ANK2: variants seen among roughly 807,000 people sequenced by gnomAD.
The protein encoded by ANK2 is ankyrin 2.
Under a neutral mutation model 360.5 loss-of-function variants are expected in ANK2, and 83 were observed. The observed-to-expected ratio is 0.23, with a 90% CI of 0.19 to 0.28. The LOEUF (loss-of-function observed/expected upper bound fraction) is 0.28, where lower values mean the gene tolerates loss of function less well. Among genes scored for constraint, ANK2 ranks in the 10% least tolerant of loss-of-function variants. The pLI is 1.00. For missense variants in ANK2, 4,201 were observed against 4,795.7 expected (o/e 0.88, Z 3.66); for synonymous variants, 1,740 against 1,759.5 (o/e 0.99, Z 0.28).
At chr4:112,760,515 C>T in the ANK2 span, among the ~76,000 whole-genome samples, 1 of 151,194 alleles carries the variant, frequency 6.6e-6, no homozygotes, top group African/African-American at 2.4e-5. Flanking sequence ...TTTTTTTCTT[C>T]ATTGTATTCT....
the ANK2 span, among the ~76,000 whole-genome samples, chr4:112,729,747 CAA>C: frequency 3.3e-4 from 23 of 70,288 alleles, no homozygotes; most frequent in Admixed American, 3.3e-4. Flanking sequence ...GACTCTGTCT[CAA>C]AAAAAAAAAA....
At chr4:113,128,372 T>C (rs35441384) in intron 1 of ANK2, among the ~76,000 whole-genome samples, 44,451 of 152,188 alleles carry the variant, frequency 0.29, 7,204 homozygotes, top group Non-Finnish European at 0.38. Flanking sequence ...CTTATGTGCA[T>C]AGTAATATTA....
At chr4:113,073,661 G>A (rs1006893544) in intron 1 of ANK2, among the ~76,000 whole-genome samples, 6 of 152,146 alleles carry the variant, frequency 3.9e-5, no homozygotes, top group African/African-American at 1.4e-4. Flanking sequence ...ATTGCCAGGA[G>A]ATTCTCCCTT....
chr4:112,883,258 C>T (rs1039366067), intron 1 of ANK2, among the ~76,000 whole-genome samples: 25 of 151,574 alleles, frequency 1.6e-4, no homozygotes, highest in Non-Finnish European at 3.1e-4. Context: ...AGGCTGGTCT[C>T]GAACGCCTGA....
At chr4:113,336,432 A>G in intron 30 of ANK2, 145 bp from the exon 31 acceptor site, 1 of 812,332 alleles carries the variant, frequency 1.2e-6, no homozygotes, top group Non-Finnish European at 1.9e-6. Flanking sequence ...TACTGAACTT[A>G]TGATTGCCAT....
intron 2 of ANK2, among the ~76,000 whole-genome samples, chr4:112,916,025 T>C (rs1386154527): frequency 3.9e-5 from 6 of 152,188 alleles, no homozygotes; most frequent in Admixed American, 2.6e-4. Context: ...TCAGATATTA[T>C]TGATATTTAG....
chr4:112,871,446 C>T (rs1453670402), intron 1 of ANK2, among the ~76,000 whole-genome samples: 1 of 152,154 alleles, frequency 6.6e-6, no homozygotes, highest in African/African-American at 2.4e-5. Context: ...CTTGGCCTCC[C>T]AAAGTGCTGA....
intron 15 of ANK2, among the ~76,000 whole-genome samples, chr4:113,274,908 C>A (rs2059689037): frequency 6.6e-6 from 1 of 152,156 alleles, no homozygotes; most frequent in African/African-American, 2.4e-5. Flanking sequence ...AGATGATTTT[C>A]ACTTTTTCTT....
intron 1 of ANK2, among the ~76,000 whole-genome samples, chr4:113,155,750 T>C (rs955582314): frequency 6.6e-6 from 1 of 152,112 alleles, no homozygotes; most frequent in Non-Finnish European, 1.5e-5. Flanking sequence ...AATGACAAAA[T>C]GTTATCCTTC....
intron 1 of ANK2, among the ~76,000 whole-genome samples, chr4:112,897,899 T>C (rs1412020018): frequency 6.6e-6 from 1 of 152,172 alleles, no homozygotes; most frequent in Non-Finnish European, 1.5e-5. Flanking sequence ...ATCTATTTTG[T>C]GGTAGTGAAG....
At chr4:112,861,355 CAG>C (rs2150101954) in intron 1 of ANK2, among the ~76,000 whole-genome samples, 1 of 152,294 alleles carries the variant, frequency 6.6e-6, no homozygotes, top group South Asian at 2.1e-4. Context: ...CTAAGGAATA[CAG>C]AATTCTTCCT....
chr4:113,122,965 G>A (rs1465463036), intron 1 of ANK2, among the ~76,000 whole-genome samples: 3 of 150,836 alleles, frequency 2.0e-5, no homozygotes, highest in Non-Finnish European at 4.4e-5. Flanking sequence ...CCATTGCATG[G>A]GTGACTAATA....
the ANK2 span, among the ~76,000 whole-genome samples, chr4:112,731,748 TAC>T: frequency 6.6e-6 from 1 of 150,734 alleles, no homozygotes; most frequent in Non-Finnish European, 1.5e-5. Flanking sequence ...AAAAAAAAAG[TAC>T]ATATAGTAAC....
At chr4:112,731,820 T>TG in the ANK2 span, among the ~76,000 whole-genome samples, 2 of 152,180 alleles carry the variant, frequency 1.3e-5, no homozygotes, top group Non-Finnish European at 2.9e-5. Context: ...GGTCTCACTA[T>TG]GTTTCCTGGG....
chr4:112,764,317 A>G, the ANK2 span, among the ~76,000 whole-genome samples: 3 of 151,450 alleles, frequency 2.0e-5, no homozygotes, highest in East Asian at 5.8e-4. Flanking sequence ...TCGCTAATCT[A>G]TCTTTCTGTT....
At chr4:112,742,436 A>G in the ANK2 span, among the ~76,000 whole-genome samples, 1 of 151,502 alleles carries the variant, frequency 6.6e-6, no homozygotes, top group Non-Finnish European at 1.5e-5. Flanking sequence ...TAGGACGGCT[A>G]TGGAGTTGGG....
intron 1 of ANK2, among the ~76,000 whole-genome samples, chr4:113,112,343 C>T (rs1735220281): frequency 6.6e-6 from 1 of 152,160 alleles, no homozygotes. Context: ...AGGCAGACTC[C>T]ACAAGCTGGG....
chr4:113,322,771 A>G (rs567696860), intron 26 of ANK2, among the ~76,000 whole-genome samples: 60 of 152,346 alleles, frequency 3.9e-4, no homozygotes, highest in Middle Eastern at 6.8e-3. Context: ...TTTAAAAATC[A>G]TCTTGAAGGT....
At chr4:113,031,343 C>A (rs955384028) in intron 2 of ANK2, 5 of 151,972 alleles carry the variant, frequency 3.3e-5, no homozygotes, top group Non-Finnish European at 7.4e-5. Flanking sequence ...TTTCCCTGAA[C>A]CCATTCATTC....
Sources: allele counts gnomAD v4.1 joint callset (sites outside exome capture counted in the v4.1 genomes callset), GRCh38; gene constraint gnomAD v4.1.1; transcripts MANE v1.5; gene names NCBI Gene and HGNC (gene_info 2026-07-23, HGNC 2026-07-21).